The following NEK3 variants were observed in gnomAD, a reference collection of about 807,000 sequenced individuals.
NEK3 encodes serine/threonine-protein kinase Nek3.
NEK3 carries 54 observed loss-of-function variants against 66.0 expected under a neutral mutation model. The observed-to-expected ratio is 0.82, with a 90% CI of 0.66 to 1.03. The LOEUF (loss-of-function observed/expected upper bound fraction) is 1.03. NEK3 is among the 50% of genes least tolerant of loss of function. The pLI is 0.00. For missense variants in NEK3, 593 were observed against 603.0 expected, an observed-to-expected ratio of 0.98 and a Z score of 0.17; for synonymous variants, 200 against 206.2, an observed-to-expected ratio of 0.97 and a Z score of 0.26.
chr13:52,148,252 T>C (rs1199500508), intron 8 of NEK3, 163 bp downstream of exon 8: 2 of 538,880 alleles, frequency 3.7e-6, no homozygotes, highest in South Asian at 3.9e-5. Context: ...TATTAGTATA[T>C]GCTACAAAAC....
chr13:52,158,809 T>C (rs912033664), intron 1 of NEK3, among the ~76,000 whole-genome samples: 1 of 152,218 alleles, frequency 6.6e-6, no homozygotes, highest in African/African-American at 2.4e-5. Context: ...TGAAACCACC[T>C]TTACAGATGT....
chr13:52,146,502 T>A (rs939174099), intron 8 of NEK3, among the ~76,000 whole-genome samples: 4 of 152,206 alleles, frequency 2.6e-5, no homozygotes, highest in African/African-American at 9.6e-5. Flanking sequence ...TAGTCCTTAA[T>A]ACTCATTCTT....
chr13:52,152,421 T>C (rs566628313), intron 5 of NEK3, among the ~76,000 whole-genome samples, 188 bp downstream of exon 5: 7 of 152,316 alleles, frequency 4.6e-5, no homozygotes, highest in Non-Finnish European at 8.8e-5. Context: ...GTCATAAACA[T>C]ACATAATTTT....
intron 11 of NEK3, among the ~76,000 whole-genome samples, chr13:52,138,687 T>C (rs1469112591): frequency 6.6e-6 from 1 of 152,170 alleles, no homozygotes; most frequent in Non-Finnish European, 1.5e-5. Flanking sequence ...CCCAGCACTT[T>C]AGGAGGCCAA....
At chr13:52,134,305 G>A (rs977282679) in intron 14 of NEK3, among the ~76,000 whole-genome samples, 1 of 151,882 alleles carries the variant, frequency 6.6e-6, no homozygotes, top group Admixed American at 6.6e-5. Flanking sequence ...GATTACAGGC[G>A]TGAGCCACCA....
chr13:52,144,380 C>A (rs1296815753), intron 9 of NEK3, among the ~76,000 whole-genome samples: 1 of 152,166 alleles, frequency 6.6e-6, no homozygotes. Context: ...CGCACCACTG[C>A]ACTCCAGCCT....
intron 8 of NEK3, among the ~76,000 whole-genome samples, chr13:52,145,930 T>C (rs780088545): frequency 6.6e-6 from 1 of 152,216 alleles, no homozygotes; most frequent in East Asian, 1.9e-4. Context: ...TCTGAACATG[T>C]ACCCCAGAAC....
rs1351033307 is a variant in NEK3 at position 52,132,899 on chromosome 13, C to T, written c.*243G>A. ...AGCATCCCATTTCTGTTCTATGGGA[C>T]TGCAAAGCCCGATGCTCACACTCAT... is the stretch of plus-strand genomic sequence containing the variant. On this transcript the variant is annotated 3_prime_UTR_variant, in exon 16 of 16. Transcript: ENST00000610828. The T allele has an allele frequency of 4.7e-6, 2 of 427,754 alleles. No homozygotes were observed. The highest frequency in any genetic ancestry group is 3.9e-5 in the African/African-American group (2 of 50,854). 26.5% of individuals were successfully genotyped at this position (427,754 alleles called of 1,614,324 possible).
intron 15 of NEK3, 101 bp downstream of exon 15, chr13:52,133,588 T>A: frequency 1.3e-5 from 19 of 1,422,132 alleles, no homozygotes; most frequent in Non-Finnish European, 1.8e-5. Flanking sequence ...CCCTACTAAA[T>A]CTGAAATTAT....
At chr13:52,137,736 T>C (rs906645952) in intron 11 of NEK3, among the ~76,000 whole-genome samples, 1 of 152,172 alleles carries the variant, frequency 6.6e-6, no homozygotes, top group African/African-American at 2.4e-5. Flanking sequence ...TTCCTTCCCA[T>C]TGAGGATCAC....
intron 1 of NEK3, among the ~76,000 whole-genome samples, chr13:52,158,933 G>C (rs1014648166): frequency 6.6e-6 from 1 of 152,130 alleles, no homozygotes; most frequent in Non-Finnish European, 1.5e-5. Flanking sequence ...AGGATAACTG[G>C]GAGAGGGATT....
chr13:52,140,799 G>A (rs1956242535), intron 11 of NEK3, among the ~76,000 whole-genome samples: 1 of 151,920 alleles, frequency 6.6e-6, no homozygotes, highest in African/African-American at 2.4e-5. Flanking sequence ...GTATCCAGGA[G>A]GTAGATATTT....
At chr13:52,154,017 A>G (rs762669797) in intron 3 of NEK3, 25 bp from the exon 4 acceptor site, 1 of 1,605,522 alleles carries the variant, frequency 6.2e-7, no homozygotes, top group South Asian at 1.1e-5. Flanking sequence ...AGCTCTTTAG[A>G]AAAGCTGTAG....
chr13:52,142,346 G>T (rs948378040), intron 10 of NEK3, among the ~76,000 whole-genome samples: 3 of 150,792 alleles, frequency 2.0e-5, no homozygotes, highest in Non-Finnish European at 4.4e-5. Flanking sequence ...GCGCAATCTC[G>T]GCTCACTGCA....
chr13:52,150,344 G>T (rs577212056), intron 7 of NEK3, among the ~76,000 whole-genome samples: 14 of 152,294 alleles, frequency 9.2e-5, no homozygotes, highest in African/African-American at 3.4e-4. Flanking sequence ...GCGCCATATA[G>T]TAAAATATAT....
intron 5 of NEK3, among the ~76,000 whole-genome samples, chr13:52,152,311 C>T (rs1956354045): frequency 6.6e-6 from 1 of 152,088 alleles, no homozygotes; most frequent in African/African-American, 2.4e-5. Context: ...TAAATGTCCT[C>T]ACCACAAAGA....
At chr13:52,148,170 A>T in intron 8 of NEK3, 1 of 365,664 alleles carries the variant, frequency 2.7e-6, no homozygotes, top group Non-Finnish European at 4.9e-6. Flanking sequence ...AAAAGAAAGA[A>T]AAGAGGAAAA....
intron 1 of NEK3, among the ~76,000 whole-genome samples, chr13:52,158,255 A>T (rs968555671): frequency 9.9e-5 from 15 of 152,222 alleles, no homozygotes; most frequent in Non-Finnish European, 5.9e-5. Flanking sequence ...AATCAAACTA[A>T]AACCTCTACT....
Position 52,133,242 on chromosome 13 carries a change from T to C in NEK3, c.1437-16A>G, listed in dbSNP as rs76359011. On this transcript the variant is annotated splice_polypyrimidine_tract_variant and intron_variant, in intron 15 of 15. Coordinates refer to ENST00000610828, the MANE Select transcript of NEK3 (RefSeq NM_002498.3). ...CTCAAAGTCCCTGTGAAAAAACAATTTGGACCATAAACCTCTACATTAGGG... is the reference window on the plus strand; with the variant it reads ...CTCAAAGTCCCTGTGAAAAAACAATCTGGACCATAAACCTCTACATTAGGG... The C allele has an allele frequency of 2.5e-3, 4,012 of 1,588,244 alleles. 87 individuals are homozygous for C. In the African/African-American group the frequency reaches 0.047, roughly 19 times the overall value.
Sources: gnomAD v4.1 joint callset for allele counts (sites outside exome capture counted in the v4.1 genomes callset) on GRCh38, gnomAD v4.1.1 for gene constraint, MANE v1.5 for transcripts, NCBI Gene and HGNC (gene_info 2026-07-23, HGNC 2026-07-21) for gene names.